Variants in TMEM163 observed in about 807,000 individuals in gnomAD.
TMEM163 encodes the protein transmembrane protein 163.
A neutral mutation model predicts 29.3 loss-of-function variants in TMEM163; 17 were observed. The ratio of observed to expected loss-of-function variants is 0.58; its 90% CI spans 0.40 to 0.87. The LOEUF is 0.87. Among genes scored for constraint, TMEM163 ranks in the 40% least tolerant of loss-of-function variants. TMEM163 has a pLI of 0.00. For missense variants in TMEM163, 303 were observed against 381.5 expected (o/e 0.79, Z 1.71); for synonymous variants, 157 against 160.6 (o/e 0.98, Z 0.17).
intron 2 of TMEM163, among the ~76,000 whole-genome samples, chr2:134,706,181 A>T (rs551936499): frequency 3.9e-5 from 6 of 152,160 alleles, no homozygotes; most frequent in African/African-American, 1.4e-4. Flanking sequence ...GGATGCTTCA[A>T]TCGGGGGTTA....
intron 1 of TMEM163, among the ~76,000 whole-genome samples, chr2:134,716,794 C>T (rs1315407210): frequency 1.3e-5 from 2 of 152,206 alleles, no homozygotes; most frequent in African/African-American, 4.8e-5. Flanking sequence ...AGGTAACGTT[C>T]TCGTTTACTT....
chr2:134,495,173 T>C (rs1413694676), intron 5 of TMEM163, among the ~76,000 whole-genome samples: 1 of 152,158 alleles, frequency 6.6e-6, no homozygotes, highest in Non-Finnish European at 1.5e-5. Flanking sequence ...GGGAAGGGGC[T>C]GGAAGTCAAT....
chr2:134,522,938 C>T (rs929249640), intron 4 of TMEM163, among the ~76,000 whole-genome samples: 1 of 152,184 alleles, frequency 6.6e-6, no homozygotes, highest in African/African-American at 2.4e-5. Context: ...GATGCCTATT[C>T]CCCTCCTAAT....
Position 134,500,107 on chromosome 2 carries a change from G to A in TMEM163, c.555+2794C>T, listed in dbSNP as rs148243918. On this transcript the variant is annotated intron_variant, in intron 5 of 7. Transcript: ENST00000281924. ...CCCACATTCCAGCATGATATCTCCA[G>A]AGGAGGCCAGGCCCTTCATCCAAGT... 1.1e-4 allele frequency among the ~76,000 whole-genome samples: 16 copies of A among 152,302 alleles called. 2 individuals carry two copies. The highest frequency in any genetic ancestry group is 3.8e-4 in the African/African-American group (16 of 41,560).
At chr2:134,502,151 G>T (rs1385831437) in intron 5 of TMEM163, among the ~76,000 whole-genome samples, 1 of 152,118 alleles carries the variant, frequency 6.6e-6, no homozygotes, top group Non-Finnish European at 1.5e-5. Context: ...ATATCAGATG[G>T]TGCATGTAGC....
intron 2 of TMEM163, among the ~76,000 whole-genome samples, chr2:134,664,069 A>G (rs1339159865): frequency 1.3e-5 from 2 of 152,206 alleles, no homozygotes; most frequent in Non-Finnish European, 2.9e-5. Context: ...CATTTCATCT[A>G]GATCATGTGT....
At chr2:134,602,283 G>T (rs986414498) in intron 2 of TMEM163, among the ~76,000 whole-genome samples, 2 of 152,114 alleles carry the variant, frequency 1.3e-5, no homozygotes, top group Non-Finnish European at 2.9e-5. Flanking sequence ...CTGCAATCAG[G>T]TGACATCGTT....
intron 3 of TMEM163, 28 bp downstream of exon 3, chr2:134,552,020 T>G (rs768781806): frequency 1.2e-6 from 2 of 1,610,098 alleles, no homozygotes; most frequent in Non-Finnish European, 1.7e-6. Context: ...GTGCAAAACT[T>G]GATGAAAGTA....
chr2:134,484,991 A>G (rs1002498899), intron 5 of TMEM163, among the ~76,000 whole-genome samples: 14 of 152,252 alleles, frequency 9.2e-5, no homozygotes, highest in Admixed American at 5.2e-4. Context: ...TTGGATAAAA[A>G]CAAAAACTTG....
chr2:134,679,891 C>T (rs540078485), intron 2 of TMEM163, among the ~76,000 whole-genome samples: 8 of 139,734 alleles, frequency 5.7e-5, no homozygotes, highest in Non-Finnish European at 1.1e-4. Flanking sequence ...TCAGCCATGA[C>T]TTCCTTCTCT....
intron 6 of TMEM163, among the ~76,000 whole-genome samples, chr2:134,465,243 T>C (rs10928495): frequency 1.1e-4 from 15 of 141,306 alleles, no homozygotes; most frequent in Non-Finnish European, 2.2e-4. Flanking sequence ...CACACACACA[T>C]ACACACACAC....
intron 2 of TMEM163, among the ~76,000 whole-genome samples, chr2:134,678,273 G>A (rs1684157388): frequency 6.6e-6 from 1 of 152,214 alleles, no homozygotes; most frequent in African/African-American, 2.4e-5. Flanking sequence ...CGCCAGGACA[G>A]GGAGCAATCT....
chr2:134,629,911 C>A (rs1239571851), intron 2 of TMEM163, among the ~76,000 whole-genome samples: 1 of 152,208 alleles, frequency 6.6e-6, no homozygotes, highest in African/African-American at 2.4e-5. Flanking sequence ...TCCAAATAAA[C>A]ATATAAACTA....
In TMEM163 at chr2:134,554,238, C is replaced by T. The variant is rs186969655; in HGVS notation, c.323-2147G>A. ...AAGAGATCGAGACCATCCTGGCCAACATGAAGAAACCCCATCTCTACTAAA... is the reference window on the plus strand; with the variant it reads ...AAGAGATCGAGACCATCCTGGCCAATATGAAGAAACCCCATCTCTACTAAA... On this transcript the variant is annotated intron_variant, in intron 2 of 7. Transcript: ENST00000281924. Among the ~76,000 whole-genome samples the T allele has an allele frequency of 1.4e-3, 208 of 151,978 alleles. 1 individual carries two copies. The highest frequency in any genetic ancestry group is 3.4e-3 in the Middle Eastern group (1 of 294).
rs1430450060 is a variant in TMEM163, at chr2:134,500,809, T to A, written c.555+2092A>T. 5.3e-5 allele frequency among the ~76,000 whole-genome samples: 8 copies of A among 152,084 alleles called. 1 individual carries two copies. The highest frequency in any genetic ancestry group is 1.9e-4 in the African/African-American group (8 of 41,482). ...AAGAGTAAAAAGTAAAACAGAGGAT[T>A]CCAGAGACTGGGGAGGGGAGGGGGA... On this transcript the variant is annotated intron_variant, in intron 5 of 7. Coordinates refer to ENST00000281924, the MANE Select transcript of TMEM163 (RefSeq NM_030923.5).
At chr2:134,534,166 A>G (rs1027343803) in intron 4 of TMEM163, among the ~76,000 whole-genome samples, 20 of 152,188 alleles carry the variant, frequency 1.3e-4, no homozygotes, top group Admixed American at 5.2e-4. Flanking sequence ...TCATTAAATG[A>G]GTAAATATCA....
intron 2 of TMEM163, among the ~76,000 whole-genome samples, chr2:134,681,206 G>T (rs1684224460): frequency 6.6e-6 from 1 of 152,170 alleles, no homozygotes; most frequent in African/African-American, 2.4e-5. Context: ...GCACCCCACT[G>T]CAAAGGGTCA....
intron 5 of TMEM163, among the ~76,000 whole-genome samples, chr2:134,484,341 C>T (rs1233564436): frequency 2.6e-5 from 4 of 151,614 alleles, no homozygotes; most frequent in African/African-American, 7.3e-5. Context: ...CTCTTTTAAA[C>T]AAAGGATTAT....
At position 134,693,109 on chromosome 2, in the gene TMEM163, A is replaced by C. The variant is rs1445582706; in HGVS notation, c.322+20091T>G. Among the ~76,000 whole-genome samples, 3 of 151,734 alleles carry C rather than the reference A, an allele frequency of 2.0e-5. No individual in the cohort carries two copies. In the East Asian group the frequency reaches 5.8e-4, roughly 29 times the overall value. Reference sequence around the variant, plus strand: ...GCCTCAGCCTCCACAGTGCCACAGAACCCTTGCTTTGTCTCTAATCCCTTA... The same window carrying C: ...GCCTCAGCCTCCACAGTGCCACAGACCCCTTGCTTTGTCTCTAATCCCTTA... On this transcript the variant is annotated intron_variant, in intron 2 of 7. Coordinates refer to ENST00000281924, the MANE Select transcript of TMEM163 (RefSeq NM_030923.5).
Sources: gnomAD v4.1 joint callset for allele counts (sites outside exome capture counted in the v4.1 genomes callset) on GRCh38, gnomAD v4.1.1 for gene constraint, MANE v1.5 for transcripts, NCBI Gene and HGNC (gene_info 2026-07-23, HGNC 2026-07-21) for gene names.